RIOX2: variants seen among roughly 807,000 people sequenced by gnomAD.
The protein encoded by RIOX2 is ribosomal oxygenase 2, also known as 60S ribosomal protein L27a histidine hydroxylase.
Under a neutral mutation model 51.2 loss-of-function variants are expected in RIOX2, and 43 were observed. The observed-to-expected ratio is 0.84, with a 90% CI of 0.66 to 1.08. The LOEUF is 1.08. Ranked by LOEUF, RIOX2 falls within the 50% of genes least tolerant of loss-of-function variation. The pLI, the probability that RIOX2 is intolerant of heterozygous loss-of-function variation, is 0.00. For missense variants in RIOX2, 566 were observed against 561.7 expected, an observed-to-expected ratio of 1.01 and a Z score of -0.08; for synonymous variants, 226 against 218.5, an observed-to-expected ratio of 1.03 and a Z score of -0.30.
chr3:97,969,796 C>T (rs1186868653), intron 1 of RIOX2, among the ~76,000 whole-genome samples: 1 of 152,228 alleles, frequency 6.6e-6, no homozygotes, highest in African/African-American at 2.4e-5. Flanking sequence ...TGGAGCCTTG[C>T]ACTTGGTATC....
chr3:97,945,837 A>G lies in RIOX2; in HGVS notation c.1200T>C (p.Ser400=). Residue 400 remains serine (S), a synonymous_variant, in exon 9 of 10, where the codon AGT becomes AGC. Coordinates refer to ENST00000394198, the MANE Select transcript of RIOX2 (RefSeq NM_153182.4). ...CATTTCCCATCATGTGTGTCTCTCT[A>G]CTATTCTTTAAGGAATGATAGATGT... ...MVYIYHSLKN[S]RETHMMGNEE... is the part of the protein sequence containing the mutation. 1 of 1,611,150 alleles carries G rather than the reference A, an allele frequency of 6.2e-7. No homozygotes were observed. The highest frequency in any genetic ancestry group is 8.5e-7 in the Non-Finnish European group (1 of 1,177,840).
At position 97,942,408 on chromosome 3, in the gene RIOX2, C is replaced by T. The variant is rs746293550; in HGVS notation, c.*2776G>A. The T allele has an allele frequency of 6.2e-7, 1 of 1,611,518 alleles. No individual in the cohort carries two copies. The highest frequency in any genetic ancestry group is 1.1e-5 in the South Asian group (1 of 90,886). On this transcript the variant is annotated 3_prime_UTR_variant, in exon 10 of 10. Coordinates refer to ENST00000394198, the MANE Select transcript of RIOX2 (RefSeq NM_153182.4). ...CTGAATAAAAATGGAACTATCAGCT[C>T]TTATCTCAGTGATCAACTTGTCCTT...
chr3:97,961,684 T>A lies in RIOX2; in HGVS notation c.457A>T (p.Lys153Ter). Residue 153 changes from lysine (K) to a stop codon, truncating the protein, a stop_gained, in exon 3 of 10, where the codon AAG becomes TAG. Transcript: ENST00000394198. LOFTEE classifies it high-confidence loss of function. The part of the protein sequence containing the change: ...FKDELWRIQE[K>*]LECYFGSLVG... The stretch of plus-strand genomic sequence containing the variant: ...AAGGAGCCAAAGTAACATTCCAGCT[T>A]CTCCTGGATCCTCCAAAGCTCATCC... The A allele has an allele frequency of 6.2e-7, 1 of 1,610,708 alleles. No homozygotes were observed. Among genetic ancestry groups the A allele is most frequent in the Non-Finnish European group, 8.5e-7 (1 of 1,179,048 alleles).
Position 97,945,512 on chromosome 3 carries a change from G to T in RIOX2, c.1240-170C>A, listed in dbSNP as rs2040333889. 6.3e-6 allele frequency: 4 copies of T among 634,066 alleles called. No individual in the cohort carries two copies. The East Asian group carries it at 1.1e-4, about 18-fold the overall frequency. The allele number at this position is 634,066 out of a possible 1,614,324, so 39.3% of individuals were successfully genotyped here. ...AAAGATGCCAACTTCTATATAAAAG[G>T]CATCCTAATTTATGTAGTAAGTGAT... is the stretch of plus-strand genomic sequence containing the variant. On this transcript the variant is annotated intron_variant, in intron 9 of 9. Coordinates refer to ENST00000394198, the MANE Select transcript of RIOX2 (RefSeq NM_153182.4).
intron 4 of RIOX2, among the ~76,000 whole-genome samples, chr3:97,956,339 G>A (rs901351392): frequency 1.3e-5 from 2 of 152,104 alleles, no homozygotes; most frequent in African/African-American, 4.8e-5. Flanking sequence ...GCCTCCTGAA[G>A]GAATGCAGTA....
intron 4 of RIOX2, among the ~76,000 whole-genome samples, chr3:97,958,122 T>C (rs1463713773): frequency 6.6e-6 from 1 of 152,180 alleles, no homozygotes; most frequent in African/African-American, 2.4e-5. Context: ...AACAGCAAGA[T>C]TGTTTCCCTT....
At position 97,944,267 on chromosome 3, in the gene RIOX2, T is replaced by G. The variant is rs1033124651; in HGVS notation, c.*917A>C. ...TTTTTCACTCCCATTGTAAGTAACT[T>G]TTATTTAAGTAAGTAAAATCAGGTA... On this transcript the variant is annotated 3_prime_UTR_variant, in exon 10 of 10. Transcript: ENST00000394198. 5 of 151,932 alleles carry G rather than the reference T, an allele frequency of 3.3e-5. No individual in the cohort carries two copies. Among genetic ancestry groups the G allele is most frequent in the African/African-American group, 1.2e-4 (5 of 41,416 alleles). 9.4% of individuals were successfully genotyped at this position (151,932 alleles called of 1,614,324 possible).
In RIOX2 at chr3:97,967,460, A is replaced by C; in HGVS notation, c.134T>G (p.Leu45Ter). 6.2e-7 allele frequency: 1 copy of C among 1,614,172 alleles called. No homozygotes were observed. Residue 45 changes from leucine to a stop codon, truncating the protein, a stop_gained, in exon 2 of 10, where the codon TTA (leucine) becomes TGA (stop). Transcript: ENST00000394198. LOFTEE classifies it high-confidence loss of function. ...FDSPSSLFESLISPIKTETFF... is the reference protein window; with the variant it reads ...FDSPSSLFES Reference sequence around the variant, plus strand: ...AGTCTCTGTCTTGATGGGCGAGATTAAACTTTCAAAGAGACTACTGGGACT... The same window carrying C: ...AGTCTCTGTCTTGATGGGCGAGATTCAACTTTCAAAGAGACTACTGGGACT...
Position 97,943,125 on chromosome 3 carries a change from A to T in RIOX2, c.*2059T>A. The T allele has an allele frequency of 1.5e-6, 1 of 658,764 alleles. No individual in the cohort carries two copies. Among genetic ancestry groups the T allele is most frequent in the South Asian group, 1.9e-5 (1 of 52,730 alleles). The allele number at this position is 658,764 out of a possible 1,614,324, so 40.8% of individuals were successfully genotyped here. ...AGACTTCTTTGTAAATGACACATTC[A>T]TCCACCGAAATGGTGAGCTGAACAG... is the stretch of plus-strand genomic sequence containing the variant. On this transcript the variant is annotated 3_prime_UTR_variant, in exon 10 of 10. Transcript: ENST00000394198.
chr3:97,949,698 G>T, intron 7 of RIOX2, 146 bp downstream of exon 7: 1 of 695,592 alleles, frequency 1.4e-6, no homozygotes, highest in Non-Finnish European at 2.4e-6. Context: ...CATCTCGTCT[G>T]CCCATATTCA....
intron 1 of RIOX2, among the ~76,000 whole-genome samples, chr3:97,970,578 T>C (rs1706090845): frequency 6.6e-6 from 1 of 152,168 alleles, no homozygotes; most frequent in South Asian, 2.1e-4. Flanking sequence ...CTATAGTAAT[T>C]AAAGAAGACA....
intron 2 of RIOX2, among the ~76,000 whole-genome samples, chr3:97,964,826 C>CTCTAGCG (rs1705821552): frequency 6.6e-6 from 1 of 151,848 alleles, no homozygotes; most frequent in Non-Finnish European, 1.5e-5. Context: ...AAACTCTAGC[C>CTCTAGCG]TGCTAAGCAA....
At position 97,949,927 on chromosome 3, in the gene RIOX2, A is replaced by G. The variant is rs1705180181; in HGVS notation, c.977T>C (p.Leu326Pro). 1 of 1,613,984 alleles carries G rather than the reference A, an allele frequency of 6.2e-7. No homozygotes were observed. Among genetic ancestry groups the G allele is most frequent in the Non-Finnish European group, 8.5e-7 (1 of 1,179,944 alleles). The change falls in exon 7 of 10, where the codon CTT (leucine) becomes CCT (proline). Residue 326 changes from leucine (L) to proline (P), a missense_variant. By Grantham distance (98) the Leu-to-Pro change is moderately conservative. Coordinates refer to ENST00000394198, the MANE Select transcript of RIOX2 (RefSeq NM_153182.4). Reference sequence around the variant, plus strand: ...AAAATCCTTCTTCATGTCTGAGGAAAGCAGTTCTTTGGTGCCCTCCAGCCG... The same window carrying G: ...AAAATCCTTCTTCATGTCTGAGGAAGGCAGTTCTTTGGTGCCCTCCAGCCG... The part of the protein sequence containing the change: ...ADRLEGTKEL[L>P]SSDMKKDFIM...
At chr3:97,946,687 G>C (rs1427019699) in intron 8 of RIOX2, among the ~76,000 whole-genome samples, 1 of 150,808 alleles carries the variant, frequency 6.6e-6, no homozygotes, top group Admixed American at 6.6e-5. Context: ...CATGTTGAGT[G>C]CCCCTCTCAT....
chr3:97,967,736 G>A (rs773163438), intron 1 of RIOX2, 104 bp from the exon 2 acceptor site: 6 of 781,636 alleles, frequency 7.7e-6, no homozygotes, highest in Admixed American at 6.2e-5. Flanking sequence ...ACACCTTCGT[G>A]AGAACTCTTC....
intron 3 of RIOX2, among the ~76,000 whole-genome samples, chr3:97,961,376 C>G (rs1049298389): frequency 6.6e-6 from 1 of 152,208 alleles, no homozygotes; most frequent in African/African-American, 2.4e-5. Flanking sequence ...TGGAAACAAG[C>G]TGTTCCTTTG....
rs1164796539 is a variant in RIOX2 at position 97,943,314 on chromosome 3, A to G, written c.*1870T>C. 1.3e-6 allele frequency: 2 copies of G among 1,532,410 alleles called. No homozygotes were observed. Among genetic ancestry groups the G allele is most frequent in the African/African-American group, 1.4e-5 (1 of 72,942 alleles). 94.9% of individuals were successfully genotyped at this position (1,532,410 alleles called of 1,614,324 possible). ...AGAAATGGGACATTGAAATATTGTG[A>G]GAGAATCAACATCCCTAGAAAGATC... is the stretch of plus-strand genomic sequence containing the variant. On this transcript the variant is annotated 3_prime_UTR_variant, in exon 10 of 10. Coordinates refer to ENST00000394198, the MANE Select transcript of RIOX2 (RefSeq NM_153182.4).
chr3:97,965,466 C>T (rs866647044), intron 2 of RIOX2, among the ~76,000 whole-genome samples: 14 of 150,424 alleles, frequency 9.3e-5, no homozygotes, highest in East Asian at 7.8e-4. Context: ...GAGCCGAGAT[C>T]GTGCCACTGT....
At chr3:97,968,939 C>T (rs186968528) in intron 1 of RIOX2, among the ~76,000 whole-genome samples, 27 of 152,300 alleles carry the variant, frequency 1.8e-4, no homozygotes, top group Admixed American at 1.8e-3. Flanking sequence ...AGCAGTATTT[C>T]AGCTACACTG....
Sources: gnomAD v4.1 joint callset for allele counts (sites outside exome capture counted in the v4.1 genomes callset) on GRCh38, gnomAD v4.1.1 for gene constraint, MANE v1.5 for transcripts, NCBI Gene and HGNC (gene_info 2026-07-23, HGNC 2026-07-21) for gene names.